CPM: variants seen among roughly 807,000 people sequenced by gnomAD.
CPM encodes carboxypeptidase M.
Under a neutral mutation model 46.4 loss-of-function variants are expected in CPM, and 35 were observed. The observed-to-expected ratio is 0.75, with a 90% CI of 0.58 to 1.00. CPM has a LOEUF of 1.00. Among genes scored for constraint, CPM ranks in the 50% least tolerant of loss-of-function variants. CPM has a pLI of 0.00. For synonymous variants in CPM, 195 were observed against 195.3 expected (o/e 1.00, Z 0.01); for missense variants, 422 against 530.4 (o/e 0.80, Z 2.01).
intron 2 of CPM, among the ~76,000 whole-genome samples, chr12:68,908,708 T>TG (rs1473962394): frequency 1.3e-5 from 2 of 152,016 alleles, no homozygotes; most frequent in Non-Finnish European, 2.9e-5. Flanking sequence ...TTTATGACCT[T>TG]GGGGGAAAGA....
downstream of CPM, chr12:68,848,683 C>G: frequency 6.6e-6 from 1 of 152,254 alleles, no homozygotes; most frequent in Non-Finnish European, 1.5e-5. Flanking sequence ...TAGGAGGCAT[C>G]TGAGAAGACC....
intron 6 of CPM, among the ~76,000 whole-genome samples, chr12:68,868,582 G>C (rs111543734): frequency 4.9e-4 from 75 of 152,094 alleles, no homozygotes; most frequent in Middle Eastern, 3.4e-3. Context: ...CCGGGTTTCT[G>C]TTTATATTAT....
chr12:68,925,522 T>A (rs752740976), intron 2 of CPM, among the ~76,000 whole-genome samples: 8 of 152,170 alleles, frequency 5.3e-5, no homozygotes, highest in Non-Finnish European at 1.2e-4. Context: ...CAGTGGGGCA[T>A]AAGTTAAACA....
rs375379732 is a variant in CPM at position 68,920,426 on chromosome 12, C to T, written c.160+12252G>A. Among the ~76,000 whole-genome samples the T allele has an allele frequency of 3.9e-5, 6 of 152,246 alleles. No homozygotes were observed. In the East Asian group the frequency reaches 5.8e-4, roughly 15 times the overall value. On this transcript the variant is annotated intron_variant, in intron 2 of 8. Coordinates refer to ENST00000551568, the MANE Select transcript of CPM (RefSeq NM_198320.5). ...ACTATCCCCGTGAAAAGGATTTTAA[C>T]GAGTGGGCTCAACTGAGTCACCAAC... is the stretch of plus-strand genomic sequence containing the variant.
At chr12:68,868,894 T>C (rs1885572844) in intron 6 of CPM, among the ~76,000 whole-genome samples, 2 of 152,300 alleles carry the variant, frequency 1.3e-5, no homozygotes, top group Admixed American at 6.5e-5. Flanking sequence ...AGCATCACAT[T>C]TCTCCAAGCT....
chr12:68,929,652 CAAT>C (rs1437582520), intron 2 of CPM, among the ~76,000 whole-genome samples: 1 of 151,858 alleles, frequency 6.6e-6, no homozygotes, highest in Non-Finnish European at 1.5e-5. Context: ...TAAAAATCAC[CAAT>C]AATAATAGAA....
chr12:68,897,957 C>A (rs1886951436), intron 2 of CPM, among the ~76,000 whole-genome samples: 1 of 151,978 alleles, frequency 6.6e-6, no homozygotes, highest in African/African-American at 2.4e-5. Context: ...AAGTCAGCCA[C>A]CTCAGCCTCC....
chr12:68,864,078 AAT>A (rs1457945787), intron 7 of CPM, among the ~76,000 whole-genome samples: 11 of 152,252 alleles, frequency 7.2e-5, no homozygotes, highest in African/African-American at 2.4e-4. Context: ...TTGATGTGCC[AAT>A]ATATGTATTT....
At chr12:68,925,062 ATACT>A (rs1220637052) in intron 2 of CPM, among the ~76,000 whole-genome samples, 1 of 152,230 alleles carries the variant, frequency 6.6e-6, no homozygotes, top group African/African-American at 2.4e-5. Context: ...ATTCTCCCTC[ATACT>A]TACAACATAA....
intron 2 of CPM, among the ~76,000 whole-genome samples, chr12:68,920,132 T>TGCCATGA (rs1887973629): frequency 6.6e-6 from 1 of 152,240 alleles, no homozygotes; most frequent in Non-Finnish European, 1.5e-5. Context: ...CTTCACCTTC[T>TGCCATGA]GCCATGAGTA....
intron 5 of CPM, chr12:68,845,170 G>A: frequency 9.0e-6 from 2 of 222,966 alleles, no homozygotes; most frequent in East Asian, 6.5e-5. Context: ...GCGCTTTATG[G>A]GTGGATGCTG....
At chr12:68,962,410 C>CT (rs896573185) in intron 1 of CPM, among the ~76,000 whole-genome samples, 1 of 152,142 alleles carries the variant, frequency 6.6e-6, no homozygotes, top group Non-Finnish European at 1.5e-5. Flanking sequence ...TGCTCGCCTC[C>CT]TGTCTCTCAG....
intron 2 of CPM, among the ~76,000 whole-genome samples, chr12:68,907,589 G>C (rs1565791102): frequency 6.6e-6 from 1 of 152,198 alleles, no homozygotes; most frequent in South Asian, 2.1e-4. Flanking sequence ...GACAAGGGAA[G>C]AAAGGAAGTG....
At chr12:68,955,991 C>T (rs1369576113) in intron 1 of CPM, among the ~76,000 whole-genome samples, 1 of 152,150 alleles carries the variant, frequency 6.6e-6, no homozygotes, top group Non-Finnish European at 1.5e-5. Context: ...CCCCTTTCCA[C>T]CCAGGAGCCT....
At chr12:68,932,195 A>G (rs929525699) in intron 2 of CPM, among the ~76,000 whole-genome samples, 2 of 152,268 alleles carry the variant, frequency 1.3e-5, no homozygotes, top group Non-Finnish European at 2.9e-5. Context: ...ATAGTTTTGC[A>G]TAACTTTAAA....
At position 68,932,736 on chromosome 12, in the gene CPM, A is replaced by T. The variant is rs777373715; in HGVS notation, c.102T>A (p.Thr34=). 1 of 1,614,244 alleles carries T rather than the reference A, an allele frequency of 6.2e-7. No individual in the cohort carries two copies. Among genetic ancestry groups the T allele is most frequent in the South Asian group, 1.1e-5 (1 of 91,088 alleles). Residue 34 remains threonine, a synonymous_variant, in exon 2 of 9, where the codon ACT becomes ACA. Transcript: ENST00000551568. ...TGACAGAACTGTAGTTTTGGGCAAC[A>T]GTCTTCAAAAACGCTTCCATCCCTT... ...RQEGMEAFLK[T]VAQNYSSVTH...
chr12:68,893,493 G>A (rs1424573657), intron 2 of CPM, among the ~76,000 whole-genome samples: 2 of 152,200 alleles, frequency 1.3e-5, no homozygotes, highest in Non-Finnish European at 2.9e-5. Flanking sequence ...TGTCAAGGAA[G>A]GGTCTCAGGG....
chr12:68,960,329 A>G lies in CPM; in HGVS notation c.-4+2840T>C, dbSNP rs573691697. Among the ~76,000 whole-genome samples the G allele has an allele frequency of 3.3e-5, 5 of 152,350 alleles. No homozygotes were observed. The East Asian group carries it at 9.6e-4, about 29-fold the overall frequency. On this transcript the variant is annotated intron_variant, in intron 1 of 8. Transcript: ENST00000546373. ...AAACACCAAGATAAATGGGGTGACT[A>G]ACATCCAACTATTTAAAACTTGTAA...
intron 2 of CPM, among the ~76,000 whole-genome samples, chr12:68,920,616 G>A (rs1030420280): frequency 6.6e-6 from 1 of 151,608 alleles, no homozygotes; most frequent in African/African-American, 2.4e-5. Context: ...ACATTTCTGA[G>A]TATAGAGGGG....
Sources: gnomAD v4.1 joint callset for allele counts (sites outside exome capture counted in the v4.1 genomes callset) on GRCh38, gnomAD v4.1.1 for gene constraint, MANE v1.5 for transcripts, NCBI Gene and HGNC (gene_info 2026-07-23, HGNC 2026-07-21) for gene names.